Variants in PDE7B observed in about 807,000 individuals in gnomAD.
PDE7B encodes 3',5'-cyclic-AMP phosphodiesterase 7B.
In PDE7B, 29 loss-of-function variants were observed where a neutral mutation model predicts 56.2. The observed-to-expected ratio is 0.52, with a 90% CI of 0.38 to 0.70. The LOEUF is 0.70. PDE7B is among the 30% of genes least tolerant of loss of function. PDE7B has a pLI of 0.00. For missense variants in PDE7B, 490 were observed against 565.0 expected (o/e 0.87, Z 1.35); for synonymous variants, 197 against 196.9 (o/e 1.00, Z 0.00).
chr6:136,124,969 T>G (rs1252367453), intron 3 of PDE7B, among the ~76,000 whole-genome samples: 7 of 152,202 alleles, frequency 4.6e-5, no homozygotes, highest in Non-Finnish European at 1.0e-4. Context: ...TATTTGTATT[T>G]GTGATAAAAC....
chr6:135,991,426 T>TGTC (rs2128205226), intron 2 of PDE7B, among the ~76,000 whole-genome samples: 1 of 129,824 alleles, frequency 7.7e-6, no homozygotes, highest in East Asian at 2.2e-4. Flanking sequence ...TTTTGTCAAT[T>TGTC]AAAATAAAAT....
At chr6:136,071,442 C>G (rs937490728) in intron 2 of PDE7B, 1 of 151,990 alleles carries the variant, frequency 6.6e-6, no homozygotes, top group Non-Finnish European at 1.5e-5. Context: ...AAAGGTTGGA[C>G]AAGAGGAAAA....
chr6:135,913,710 T>G (rs899834875), intron 1 of PDE7B, among the ~76,000 whole-genome samples: 9 of 152,368 alleles, frequency 5.9e-5, no homozygotes, highest in African/African-American at 1.9e-4. Flanking sequence ...CTTTCTTTAA[T>G]AAAACCCTAG....
intron 1 of PDE7B, among the ~76,000 whole-genome samples, chr6:135,895,827 A>G (rs928329844): frequency 2.0e-5 from 3 of 152,100 alleles, no homozygotes; most frequent in African/African-American, 7.2e-5. Context: ...AAAAGAATAC[A>G]AGGAGGATTT....
chr6:135,980,984 C>T (rs1244569190), intron 2 of PDE7B, among the ~76,000 whole-genome samples: 7 of 149,452 alleles, frequency 4.7e-5, no homozygotes, highest in Admixed American at 1.3e-4. Flanking sequence ...CACATGCACA[C>T]GTATGTTTAT....
At chr6:136,065,479 A>G (rs1776918104) in intron 2 of PDE7B, among the ~76,000 whole-genome samples, 1 of 152,202 alleles carries the variant, frequency 6.6e-6, no homozygotes. Context: ...CCAGGGAGTG[A>G]GAAGGCATCA....
At chr6:136,106,286 G>A (rs929558223) in intron 2 of PDE7B, among the ~76,000 whole-genome samples, 1 of 152,118 alleles carries the variant, frequency 6.6e-6, no homozygotes, top group Admixed American at 6.5e-5. Flanking sequence ...ATTTTAACAT[G>A]CTGTATTTTC....
chr6:136,165,128 A>G (rs1017870332), intron 8 of PDE7B, among the ~76,000 whole-genome samples: 10 of 152,332 alleles, frequency 6.6e-5, no homozygotes, highest in African/African-American at 2.4e-4. Flanking sequence ...GCCAGTGAAC[A>G]AAGTTGTTAT....
chr6:135,907,181 A>G (rs1776131208), intron 1 of PDE7B, among the ~76,000 whole-genome samples: 1 of 152,004 alleles, frequency 6.6e-6, no homozygotes, highest in African/African-American at 2.4e-5. Context: ...ATTCCTGGAG[A>G]CCCTCCCTGC....
chr6:136,027,784 G>A (rs1199194688), intron 2 of PDE7B, among the ~76,000 whole-genome samples: 2 of 151,988 alleles, frequency 1.3e-5, no homozygotes, highest in Non-Finnish European at 2.9e-5. Context: ...ACCATGCCTG[G>A]CTAATTTTTA....
intron 1 of PDE7B, among the ~76,000 whole-genome samples, chr6:135,867,246 G>T (rs1485897415): frequency 1.3e-5 from 2 of 151,948 alleles, no homozygotes; most frequent in Non-Finnish European, 2.9e-5. Context: ...TTTATAAAAA[G>T]ATACATATTT....
At chr6:136,106,675 C>T (rs1249001755) in intron 2 of PDE7B, among the ~76,000 whole-genome samples, 3 of 152,144 alleles carry the variant, frequency 2.0e-5, no homozygotes, top group Non-Finnish European at 4.4e-5. Flanking sequence ...AGGTGTCTCT[C>T]CTCACAGGGT....
At chr6:136,167,790 A>G (rs899539747) in intron 8 of PDE7B, among the ~76,000 whole-genome samples, 1 of 152,220 alleles carries the variant, frequency 6.6e-6, no homozygotes, top group Non-Finnish European at 1.5e-5. Context: ...GCAAATTTAT[A>G]GAAACTCTGT....
chr6:136,108,870 A>C (rs571457435), intron 3 of PDE7B, 56 bp downstream of exon 3: 1 of 1,107,458 alleles, frequency 9.0e-7, no homozygotes, highest in East Asian at 2.3e-5. Context: ...AAAGAAAAAA[A>C]AAAATCCTCA....
intron 1 of PDE7B, among the ~76,000 whole-genome samples, chr6:135,887,970 C>G (rs117904687): frequency 1.3e-5 from 2 of 152,274 alleles, no homozygotes; most frequent in South Asian, 4.1e-4. Flanking sequence ...TGTTCTACTG[C>G]GCTTACTATT....
At chr6:135,858,945 T>C (rs1304811011) in intron 1 of PDE7B, among the ~76,000 whole-genome samples, 3 of 152,142 alleles carry the variant, frequency 2.0e-5, no homozygotes. Context: ...ATATCAGTTA[T>C]TCATAAAACA....
Position 136,192,415 on chromosome 6 carries a change from C to T in PDE7B, c.*575C>T, listed in dbSNP as rs1779245565. On this transcript the variant is annotated 3_prime_UTR_variant, in exon 13 of 13. Transcript: ENST00000308191. ...TGGATCTGCAACTTTGGACTAAGGTCATTCAATGTACCCAAACTTGAACAG... is the reference window on the plus strand; with the variant it reads ...TGGATCTGCAACTTTGGACTAAGGTTATTCAATGTACCCAAACTTGAACAG... 1 of 152,292 alleles carries T rather than the reference C, an allele frequency of 6.6e-6. No homozygotes were observed. Among genetic ancestry groups the T allele is most frequent in the East Asian group, 1.9e-4 (1 of 5,184 alleles). 9.4% of individuals were successfully genotyped at this position (152,292 alleles called of 1,614,324 possible).
At chr6:136,054,936 G>A (rs1298555252) in intron 2 of PDE7B, among the ~76,000 whole-genome samples, 1 of 152,148 alleles carries the variant, frequency 6.6e-6, no homozygotes, top group Admixed American at 6.5e-5. Context: ...GAAGAACACA[G>A]GAAATACCTG....
At chr6:136,184,427 A>G (rs1779114016) in intron 11 of PDE7B, among the ~76,000 whole-genome samples, 1 of 152,254 alleles carries the variant, frequency 6.6e-6, no homozygotes. Flanking sequence ...GTAACAAGAC[A>G]CATGTGACTG....
Sources: gnomAD v4.1 joint callset for allele counts (sites outside exome capture counted in the v4.1 genomes callset) on GRCh38, gnomAD v4.1.1 for gene constraint, MANE v1.5 for transcripts, NCBI Gene and HGNC (gene_info 2026-07-23, HGNC 2026-07-21) for gene names.